DNM1: variants seen among roughly 807,000 people sequenced by gnomAD.
DNM1 encodes the protein dynamin-1.
DNM1 carries 29 observed loss-of-function variants against 104.6 expected under a neutral mutation model. The ratio of observed to expected loss-of-function variants is 0.28; its 90% CI spans 0.21 to 0.38. The LOEUF (loss-of-function observed/expected upper bound fraction) is 0.38, where lower values mean the gene tolerates loss of function less well. Ranked by LOEUF, DNM1 falls within the 10% of genes least tolerant of loss-of-function variation. The pLI is 1.00. For missense variants in DNM1, 640 were observed against 1,189.4 expected, an observed-to-expected ratio of 0.54 and a Z score of 6.79; for synonymous variants, 445 against 475.8, an observed-to-expected ratio of 0.94 and a Z score of 0.84.
At chr9:128,211,404 A>AGGGC (rs1055372720) in intron 1 of DNM1, among the ~76,000 whole-genome samples, 3 of 150,442 alleles carry the variant, frequency 2.0e-5, no homozygotes, top group African/African-American at 7.4e-5. Flanking sequence ...TGGGAAAAAT[A>AGGGC]GGGCCGTGCC....
At position 128,222,882 on chromosome 9, in the gene DNM1, G is replaced by A. The variant is rs1007164269; in HGVS notation, c.1196+22G>A. The A allele has an allele frequency of 1.2e-5, 19 of 1,612,978 alleles. No individual in the cohort carries two copies. The highest frequency in any genetic ancestry group is 1.7e-4 in the Middle Eastern group (1 of 6,054). ...TTAGGCACGTATTGGGGCCTGGGAG[G>A]GTGGCTGAACCCCAGAAGTAGGGGG... On this transcript the variant is annotated intron_variant, in intron 9 of 21. Coordinates refer to ENST00000372923, the MANE Select transcript of DNM1 (RefSeq NM_004408.4). This position sits in a 1 kb window ranked among gnomAD's most constrained non-coding sequence, Gnocchi z 7.8.
At position 128,222,967 on chromosome 9, in the gene DNM1, C is replaced by G; in HGVS notation, c.1196+107C>G. 20 of 1,137,258 alleles carry G rather than the reference C, an allele frequency of 1.8e-5. No homozygotes were observed. The highest frequency in any genetic ancestry group is 2.1e-5 in the Non-Finnish European group (16 of 769,402). The allele number at this position is 1,137,258 out of a possible 1,614,324, so 70.4% of individuals were successfully genotyped here. ...CCTCCCTCAGGAAGGACTGAAAGCT[C>G]TGTTCCCCAGTCCTCTCGACCCCAA... On this transcript the variant is annotated intron_variant, in intron 9 of 21. Coordinates refer to ENST00000372923, the MANE Select transcript of DNM1 (RefSeq NM_004408.4). The surrounding 1 kb of genome is among the most constrained non-coding windows in gnomAD (Gnocchi z 7.8).
rs2131268746 is a variant in DNM1 at position 128,243,617 on chromosome 9, G to A, written c.1671+1272G>A. Among the ~76,000 whole-genome samples, 1 of 152,324 alleles carries A rather than the reference G, an allele frequency of 6.6e-6. No individual in the cohort carries two copies. The highest frequency in any genetic ancestry group is 1.9e-4 in the East Asian group (1 of 5,166). On this transcript the variant is annotated intron_variant, in intron 15 of 21. Transcript: ENST00000372923. This position sits in a 1 kb window ranked among gnomAD's most constrained non-coding sequence, Gnocchi z 4.0. ...GGGATGGAGTGTGCAGTGGCATGGG[G>A]TGCGGGTGGGGGGTGGCTTCCTGCC...
At position 128,250,192 on chromosome 9, in the gene DNM1, G is replaced by A. The variant is rs751222927; in HGVS notation, c.2154G>A (p.Ser718=). 4 of 1,614,156 alleles carry A rather than the reference G, an allele frequency of 2.5e-6. No individual in the cohort carries two copies. The highest frequency in any genetic ancestry group is 2.2e-5 in the East Asian group (1 of 44,876). The part of the protein sequence containing the change: ...CGDQNTLMEE[S]AEQAQRRDEM... ...ACCAGAACACGCTGATGGAGGAGTC[G>A]GCGGAGCAGGCACAGCGGCGCGACG... Residue 718 remains serine, a synonymous_variant, in exon 20 of 22, where the codon TCG becomes TCA. Transcript: ENST00000372923.
chr9:128,213,250 T>G (rs940895735), intron 1 of DNM1, among the ~76,000 whole-genome samples: 7 of 151,988 alleles, frequency 4.6e-5, no homozygotes, highest in Non-Finnish European at 8.8e-5. Flanking sequence ...CCCTGCTAAT[T>G]TTTGTATCTT....
Position 128,248,490 on chromosome 9 carries a change from TCTGGGTACC to T in DNM1, c.1906-90_1906-82del. ...GTCGCTTCTCTCTGTGCCTCAATAT[TCTGGGTACC>T]CTTGGAGGGGCTGAGATCCTGGGGA... On this transcript the variant is annotated intron_variant, in intron 18 of 21. Transcript: ENST00000372923. The surrounding 1 kb of genome is among the most constrained non-coding windows in gnomAD (Gnocchi z 5.6). 1 of 1,473,016 alleles carries T rather than the reference TCTGGGTACC, an allele frequency of 6.8e-7. No homozygotes were observed. The highest frequency in any genetic ancestry group is 9.3e-7 in the Non-Finnish European group (1 of 1,080,456). The allele number at this position is 1,473,016 out of a possible 1,614,324, so 91.2% of individuals were successfully genotyped here.
In DNM1 at chr9:128,226,320, G is replaced by A. The variant is rs1170941431; in HGVS notation, c.1335+1931G>A. On this transcript the variant is annotated intron_variant, in intron 10 of 21. Coordinates refer to ENST00000372923, the MANE Select transcript of DNM1 (RefSeq NM_004408.4). ...GTTTCCTGCCAGTTTCTAACCCTGG[G>A]TACTTGCACTCATGACCCCTCCAGG... 1.5e-5 allele frequency: 19 copies of A among 1,299,308 alleles called. No homozygotes were observed. The East Asian group carries it at 4.6e-4, about 31-fold the overall frequency. The allele number at this position is 1,299,308 out of a possible 1,614,324, so 80.5% of individuals were successfully genotyped here. A position where few individuals can be genotyped will look rare whatever the true frequency, so the allele number is the denominator to read the frequency against.
At chr9:128,205,868 T>G (rs1402731307) in intron 1 of DNM1, among the ~76,000 whole-genome samples, 1 of 152,178 alleles carries the variant, frequency 6.6e-6, no homozygotes, top group Non-Finnish European at 1.5e-5. Context: ...GTTTGGACCG[T>G]GCCCCAGGAG....
At chr9:128,251,410 C>T (rs1343727870) in intron 21 of DNM1, 2 of 313,802 alleles carry the variant, frequency 6.4e-6, no homozygotes, top group Admixed American at 8.5e-5. Context: ...CCCCACTTCC[C>T]AGCCCTGACT....
rs1829710463 is a variant in DNM1 at position 128,254,235 on chromosome 9, C to CT, written c.2535-418dup. On this transcript the variant is annotated intron_variant, in intron 21 of 21. Coordinates refer to ENST00000372923, the MANE Select transcript of DNM1 (RefSeq NM_004408.4). The surrounding 1 kb of genome is among the most constrained non-coding windows in gnomAD (Gnocchi z 6.1). ...TCCTGGTTCAAGCAGTGTTCTTTCT[C>CT]TATCAGGCCTGGTGGCTGTTGCATG... 1 of 1,364,746 alleles carries CT rather than the reference C, an allele frequency of 7.3e-7. No individual in the cohort carries two copies. Among genetic ancestry groups the CT allele is most frequent in the Non-Finnish European group, 9.4e-7 (1 of 1,068,716 alleles). The allele number at this position is 1,364,746 out of a possible 1,614,324, so 84.5% of individuals were successfully genotyped here.
Position 128,222,260 on chromosome 9 carries a change from C to T in DNM1, c.913C>T (p.Leu305=). Residue 305 remains leucine (L), a synonymous_variant, in exon 7 of 22, where the codon CTG becomes TTG. Transcript: ENST00000372923. The surrounding 1 kb of genome is among the most constrained non-coding windows in gnomAD (Gnocchi z 7.8). ...GCGGAACAAGCTGCAGAGCCAGCTA[C>T]TGTCCATTGAGAAGGAGGTGGAGGA... The part of the protein sequence containing the change: ...GLRNKLQSQL[L]SIEKEVEEYK... 1 of 1,614,214 alleles carries T rather than the reference C, an allele frequency of 6.2e-7. No individual in the cohort carries two copies. Among genetic ancestry groups the T allele is most frequent in the South Asian group, 1.1e-5 (1 of 91,088 alleles).
rs1421472636 is a variant in DNM1, at chr9:128,203,413, G to A, written c.-58G>A. ...GCGCGGCTGCAGCGGCGGAGCCGGAGTCGGAGCCGGGAGCGCTAGCGGCAG... is the reference window on the plus strand; with the variant it reads ...GCGCGGCTGCAGCGGCGGAGCCGGAATCGGAGCCGGGAGCGCTAGCGGCAG... On this transcript the variant is annotated 5_prime_UTR_variant, in exon 1 of 22. Coordinates refer to ENST00000372923, the MANE Select transcript of DNM1 (RefSeq NM_004408.4). The surrounding 1 kb of genome is among the most constrained non-coding windows in gnomAD (Gnocchi z 5.3). The A allele has an allele frequency of 2.2e-6, 3 of 1,366,218 alleles. No homozygotes were observed. The highest frequency in any genetic ancestry group is 2.8e-6 in the Non-Finnish European group (3 of 1,057,716). 84.6% of individuals were successfully genotyped at this position (1,366,218 alleles called of 1,614,324 possible). A position where few individuals can be genotyped will look rare whatever the true frequency, so the allele number is the denominator to read the frequency against.
chr9:128,213,233 C>T (rs538443890), intron 1 of DNM1, among the ~76,000 whole-genome samples: 6 of 152,072 alleles, frequency 3.9e-5, no homozygotes, highest in Non-Finnish European at 7.3e-5. Flanking sequence ...AGGCGCACGC[C>T]ACCACACCCT....
chr9:128,209,318 G>A (rs1010385005), intron 1 of DNM1, among the ~76,000 whole-genome samples: 5 of 152,118 alleles, frequency 3.3e-5, no homozygotes, highest in Non-Finnish European at 7.4e-5. Flanking sequence ...ATCTGATCTC[G>A]GCGCCAGGAG....
chr9:128,237,829 A>G (rs1041823706), intron 11 of DNM1, among the ~76,000 whole-genome samples: 6 of 152,088 alleles, frequency 3.9e-5, no homozygotes, highest in Non-Finnish European at 7.4e-5. Flanking sequence ...GCTGGAGTGC[A>G]GTGGTGCCAT....
chr9:128,228,979 T>C (rs1835501055), intron 10 of DNM1, among the ~76,000 whole-genome samples: 1 of 146,296 alleles, frequency 6.8e-6, no homozygotes, highest in African/African-American at 2.6e-5. Context: ...CCAGACTCCA[T>C]CTCAAAAAAA....
rs1472486330 is a variant in DNM1 at position 128,254,069 on chromosome 9, A to G, written c.2535-585A>G. 2.3e-5 allele frequency: 29 copies of G among 1,243,636 alleles called. No homozygotes were observed. The highest frequency in any genetic ancestry group is 2.8e-5 in the Non-Finnish European group (28 of 996,696). The allele number at this position is 1,243,636 out of a possible 1,614,324, so 77.0% of individuals were successfully genotyped here. ...CCCGACCAGCTGAGGCTCCCCTCTT[A>G]GACTTATAAGTCTATGGCCACTGGC... On this transcript the variant is annotated intron_variant, in intron 21 of 21. Coordinates refer to ENST00000372923, the MANE Select transcript of DNM1 (RefSeq NM_004408.4). This position sits in a 1 kb window ranked among gnomAD's most constrained non-coding sequence, Gnocchi z 6.1.
chr9:128,229,233 T>A lies in DNM1; in HGVS notation c.1336-4788T>A, dbSNP rs934156846. On this transcript the variant is annotated intron_variant, in intron 10 of 21. Transcript: ENST00000372923. ...ATAGCAAAACCCTGTCTCTACAAAA[T>A]TTTTTTTTTTAATTAGCCAGGCGTG... Among the ~76,000 whole-genome samples, 173 of 138,638 alleles carry A rather than the reference T, an allele frequency of 1.2e-3. No individual in the cohort carries two copies. In the East Asian group the frequency reaches 0.014, roughly 12 times the overall value. The allele number at this position is 138,638 out of a possible 152,430, so 91.0% of individuals were successfully genotyped here.
rs1835187092 is a variant in DNM1 at position 128,224,054 on chromosome 9, A to C, written c.1197-197A>C. 1.6e-6 allele frequency: 1 copy of C among 637,502 alleles called. No individual in the cohort carries two copies. Among genetic ancestry groups the C allele is most frequent in the Non-Finnish European group, 2.5e-6 (1 of 406,600 alleles). The allele number at this position is 637,502 out of a possible 1,614,324, so 39.5% of individuals were successfully genotyped here. On this transcript the variant is annotated intron_variant, in intron 9 of 21. Coordinates refer to ENST00000372923, the MANE Select transcript of DNM1 (RefSeq NM_004408.4). This position sits in a 1 kb window ranked among gnomAD's most constrained non-coding sequence, Gnocchi z 4.3. ...ACAGAGCAAGACTCCGTCTCAAAAA[A>C]AATAACAACAACAACAAAAAACCCT...
Sources: gnomAD v4.1 joint callset for allele counts (sites outside exome capture counted in the v4.1 genomes callset) on GRCh38, gnomAD v4.1.1 for gene constraint, Gnocchi (gnomAD v3.1) non-coding constraint, MANE v1.5 for transcripts, NCBI Gene and HGNC (gene_info 2026-07-23, HGNC 2026-07-21) for gene names.